Variants in PTPRG observed in about 807,000 individuals in gnomAD.
PTPRG encodes receptor-type tyrosine-protein phosphatase gamma.
In PTPRG, 102 loss-of-function variants were observed where a neutral mutation model predicts 165.3. The ratio of observed to expected loss-of-function variants is 0.62; its 90% CI spans 0.53 to 0.73. The LOEUF (loss-of-function observed/expected upper bound fraction) is 0.73, where lower values mean the gene tolerates loss of function less well. Ranked by LOEUF, PTPRG falls within the 30% of genes least tolerant of loss-of-function variation. The pLI is 0.00. For missense variants in PTPRG, 1,866 were observed against 1,861.4 expected, an observed-to-expected ratio of 1.00 and a Z score of -0.05; for synonymous variants, 675 against 669.5, an observed-to-expected ratio of 1.01 and a Z score of -0.13.
chr3:61,929,052 TC>T, intron 2 of PTPRG, among the ~76,000 whole-genome samples: 1 of 151,908 alleles, frequency 6.6e-6, no homozygotes, highest in East Asian at 1.9e-4. Context: ...AGCAAAGGAG[TC>T]TTTGGCCCCA....
At chr3:62,261,040 T>C (rs940920321) in intron 16 of PTPRG, 1 of 152,150 alleles carries the variant, frequency 6.6e-6, no homozygotes, top group Non-Finnish European at 1.5e-5. Flanking sequence ...TCTTGGTCAA[T>C]TGCATTATAT....
chr3:61,899,156 G>T (rs556559226), intron 2 of PTPRG, among the ~76,000 whole-genome samples: 31 of 152,214 alleles, frequency 2.0e-4, no homozygotes, highest in African/African-American at 6.0e-4. Flanking sequence ...TTGTGAAATG[G>T]AGACATCTCT....
At chr3:61,637,826 A>G (rs1235444474) in intron 1 of PTPRG, among the ~76,000 whole-genome samples, 2 of 152,182 alleles carry the variant, frequency 1.3e-5, no homozygotes, top group Non-Finnish European at 2.9e-5. Flanking sequence ...CTACAAACCC[A>G]GCCCAGCCCT....
At position 62,219,745 on chromosome 3, in the gene PTPRG, C is replaced by T. The variant is rs111704426; in HGVS notation, c.2288+762C>T. Among the ~76,000 whole-genome samples the T allele has an allele frequency of 1.1e-4, 17 of 152,318 alleles. No homozygotes were observed. Among genetic ancestry groups the T allele is most frequent in the African/African-American group, 3.6e-4 (15 of 41,580 alleles). On this transcript the variant is annotated intron_variant, in intron 13 of 29. Coordinates refer to ENST00000474889, the MANE Select transcript of PTPRG (RefSeq NM_002841.4). This position sits in a 1 kb window ranked among gnomAD's most constrained non-coding sequence, Gnocchi z 4.5. The stretch of plus-strand genomic sequence containing the variant: ...ATTTTCATCTCTCCCTCCCTTCTTT[C>T]CATTCACTCAATTTTGAGCCCACAC...
At position 62,276,647 on chromosome 3, in the gene PTPRG, T is replaced by G. The variant is rs1281700181; in HGVS notation, c.3560-325T>G. Reference sequence around the variant, plus strand: ...GACAAAGTATATGTTGGTATAATTGTAGGAATAACAAACTAGAGTCAAAAG... The same window carrying G: ...GACAAAGTATATGTTGGTATAATTGGAGGAATAACAAACTAGAGTCAAAAG... On this transcript the variant is annotated intron_variant, in intron 24 of 29. Coordinates refer to ENST00000474889, the MANE Select transcript of PTPRG (RefSeq NM_002841.4). 5 of 276,222 alleles carry G rather than the reference T, an allele frequency of 1.8e-5. No homozygotes were observed. The Admixed American group carries it at 2.5e-4, about 14-fold the overall frequency. 17.1% of individuals were successfully genotyped at this position (276,222 alleles called of 1,614,324 possible).
At chr3:61,949,487 G>A (rs2039844093) in intron 2 of PTPRG, among the ~76,000 whole-genome samples, 1 of 152,164 alleles carries the variant, frequency 6.6e-6, no homozygotes, top group South Asian at 2.1e-4. Flanking sequence ...GCTTTGGGTA[G>A]CGTTTACTAT....
At chr3:61,735,762 T>A (rs2032695518) in intron 1 of PTPRG, among the ~76,000 whole-genome samples, 2 of 152,350 alleles carry the variant, frequency 1.3e-5, no homozygotes, top group South Asian at 4.1e-4. Flanking sequence ...TTTCTCATTG[T>A]GCAGAGACAA....
In PTPRG at chr3:62,234,228, A is replaced by G. The variant is rs1335780854; in HGVS notation, c.2375+2917A>G. Among the ~76,000 whole-genome samples the G allele has an allele frequency of 3.3e-5, 5 of 152,234 alleles. No individual in the cohort carries two copies. The South Asian group carries it at 1.0e-3, about 32-fold the overall frequency. On this transcript the variant is annotated intron_variant, in intron 14 of 29. Coordinates refer to ENST00000474889, the MANE Select transcript of PTPRG (RefSeq NM_002841.4). The stretch of plus-strand genomic sequence containing the variant: ...AGAAGTGTCATGATTTAATTAACCT[A>G]TCCTCTGTGGCTGTCATTTTGATTG...
chr3:61,626,233 A>G (rs370278758), intron 1 of PTPRG, among the ~76,000 whole-genome samples: 15 of 152,196 alleles, frequency 9.9e-5, no homozygotes, highest in South Asian at 6.2e-4. Context: ...CTAAAAATGC[A>G]TTATTCTAGT....
At chr3:61,863,304 T>A (rs2037322859) in intron 2 of PTPRG, among the ~76,000 whole-genome samples, 1 of 152,224 alleles carries the variant, frequency 6.6e-6, no homozygotes, top group Admixed American at 6.5e-5. Context: ...TATGCCTTCC[T>A]TGGAGATGTT....
intron 26 of PTPRG, 22 bp from the exon 27 acceptor site, chr3:62,281,541 T>TTTTTTTTTTTTTTTTTTTTTTTTTTTTG: frequency 7.6e-7 from 1 of 1,318,290 alleles, no homozygotes; most frequent in Non-Finnish European, 1.0e-6. Context: ...GCAGAGGCTT[T>TTTTTTTTTTTTTTTTTTTTTTTTTTTTG]TTTTTTTTTT....
chr3:61,563,821 G>T lies in PTPRG; in HGVS notation c.85+1449G>T, dbSNP rs551356851. Among the ~76,000 whole-genome samples, 375 of 152,308 alleles carry T rather than the reference G, an allele frequency of 2.5e-3. 3 individuals are homozygous for T. The highest frequency in any genetic ancestry group is 6.8e-3 in the South Asian group (33 of 4,820). ...CTCGTCGCCCTTGGGGATCCCCTCG[G>T]GGGACTGGCAGCGAATGCCCCCTTT... On this transcript the variant is annotated intron_variant, in intron 1 of 29. Coordinates refer to ENST00000474889, the MANE Select transcript of PTPRG (RefSeq NM_002841.4).
At chr3:62,277,112 C>T in intron 25 of PTPRG, 64 bp downstream of exon 25, 1 of 1,236,538 alleles carries the variant, frequency 8.1e-7, no homozygotes, top group Non-Finnish European at 1.2e-6. Context: ...AGAGCAGATA[C>T]CACCTGTGTG....
At chr3:62,207,362 G>T (rs776402097) in intron 12 of PTPRG, among the ~76,000 whole-genome samples, 1 of 152,226 alleles carries the variant, frequency 6.6e-6, no homozygotes, top group Non-Finnish European at 1.5e-5. Flanking sequence ...AGTAAAGGAC[G>T]TGAGTGACCT....
chr3:61,716,091 G>T (rs533215575), intron 1 of PTPRG, among the ~76,000 whole-genome samples: 2 of 152,102 alleles, frequency 1.3e-5, no homozygotes. Flanking sequence ...ATGGCTCTAA[G>T]CTCTCAGCTC....
chr3:61,857,195 T>TATG (rs2037132462), intron 2 of PTPRG, among the ~76,000 whole-genome samples: 2 of 152,204 alleles, frequency 1.3e-5, no homozygotes, highest in African/African-American at 4.8e-5. Flanking sequence ...TATTGTAAAA[T>TATG]CTTTAGAATT....
chr3:62,097,422 T>G (rs1326213398), intron 5 of PTPRG, among the ~76,000 whole-genome samples: 1 of 152,122 alleles, frequency 6.6e-6, no homozygotes, highest in African/African-American at 2.4e-5. Context: ...GTCTGACATT[T>G]TCACGTAAAA....
intron 2 of PTPRG, among the ~76,000 whole-genome samples, chr3:61,767,798 G>A (rs28715555): frequency 2.0e-5 from 3 of 151,528 alleles, no homozygotes; most frequent in East Asian, 1.9e-4. Flanking sequence ...GTGGGATCCC[G>A]TTTGTACCAA....
At chr3:61,755,699 C>T (rs1163142128) in intron 2 of PTPRG, among the ~76,000 whole-genome samples, 1 of 152,112 alleles carries the variant, frequency 6.6e-6, no homozygotes, top group Non-Finnish European at 1.5e-5. Flanking sequence ...AGGGCTCTGG[C>T]AGTGATTAGA....
Sources: allele counts gnomAD v4.1 joint callset (sites outside exome capture counted in the v4.1 genomes callset), GRCh38; gene constraint gnomAD v4.1.1; non-coding constraint Gnocchi (gnomAD v3.1); transcripts MANE v1.5; gene names NCBI Gene and HGNC (gene_info 2026-07-23, HGNC 2026-07-21).